The following PEX10 variants were observed in gnomAD, a reference collection of about 807,000 sequenced individuals.
The protein encoded by PEX10 is peroxisomal biogenesis factor 10, also known as peroxisome biogenesis factor 10.
PEX10 carries 32 observed loss-of-function variants against 38.0 expected under a neutral mutation model. The observed-to-expected ratio is 0.84, with a 90% CI of 0.63 to 1.13. PEX10 has a LOEUF of 1.13. Among genes scored for constraint, PEX10 ranks in the 50% most tolerant of loss-of-function variants. The pLI is 0.00. For synonymous variants in PEX10, 206 were observed against 207.3 expected (o/e 0.99, Z 0.05); for missense variants, 483 against 457.7 (o/e 1.06, Z -0.51).
Position 2,409,191 on chromosome 1 carries a change from C to G in PEX10, c.194-333G>C, listed in dbSNP as rs1290126783. Reference sequence around the variant, plus strand: ...GCTGTCCCCGCCACCTCCCCCAGCCCAAGCACTCGGATCCAGTCCCATGGC... The same window carrying G: ...GCTGTCCCCGCCACCTCCCCCAGCCGAAGCACTCGGATCCAGTCCCATGGC... On this transcript the variant is annotated intron_variant, in intron 2 of 5. Transcript: ENST00000447513. This position sits in a 1 kb window ranked among gnomAD's most constrained non-coding sequence, Gnocchi z 6.2. Among the ~76,000 whole-genome samples, 1 of 152,144 alleles carries G rather than the reference C, an allele frequency of 6.6e-6. No homozygotes were observed. The highest frequency in any genetic ancestry group is 1.5e-5 in the Non-Finnish European group (1 of 68,016).
rs142006474 is a variant in PEX10 at position 2,405,660 on chromosome 1, TGA to T, written c.*104_*105del. ...GTTAGTATCTTACATGACAAAAAAC[TGA>T]GAGTGTTCTAACTTCTGTGCAAGCA... On this transcript the variant is annotated 3_prime_UTR_variant, in exon 6 of 6. Coordinates refer to ENST00000447513, the MANE Select transcript of PEX10 (RefSeq NM_002617.4). 9.4e-4 allele frequency: 967 copies of T among 1,025,470 alleles called. 6 individuals are homozygous for T. The African/African-American group carries it at 0.013, about 14-fold the overall frequency. 63.5% of individuals were successfully genotyped at this position (1,025,470 alleles called of 1,614,324 possible). A position where few individuals can be genotyped will look rare whatever the true frequency, so the allele number is the denominator to read the frequency against.
In PEX10 at chr1:2,410,223, G is replaced by A. The variant is rs576140178; in HGVS notation, c.193+148C>T. 1.8e-4 allele frequency: 126 copies of A among 713,842 alleles called. No individual in the cohort carries two copies. In the East Asian group the frequency reaches 2.3e-3, roughly 13 times the overall value. 44.2% of individuals were successfully genotyped at this position (713,842 alleles called of 1,614,324 possible). The stretch of plus-strand genomic sequence containing the variant: ...TGGGAGCAGATGCCTCGCCTCCCTC[G>A]GAGCAGTACCTCCTGCACTTCCCTG... On this transcript the variant is annotated intron_variant, in intron 2 of 5. Transcript: ENST00000447513. This position sits in a 1 kb window ranked among gnomAD's most constrained non-coding sequence, Gnocchi z 5.1.
At chr1:2,411,105 C>T (rs1207579843) in intron 1 of PEX10, among the ~76,000 whole-genome samples, 1 of 152,180 alleles carries the variant, frequency 6.6e-6, no homozygotes, top group Non-Finnish European at 1.5e-5. Flanking sequence ...TCCCATGGCA[C>T]TGTTCCTTTG....
Position 2,409,431 on chromosome 1 carries a change from C to T in PEX10, c.194-573G>A, listed in dbSNP as rs1396680169. ...TCTGTGGATGGCAACGCCAGGCCTCCGGTTCCTGAGGTCAAGCCCAAGGGG... is the reference window on the plus strand; with the variant it reads ...TCTGTGGATGGCAACGCCAGGCCTCTGGTTCCTGAGGTCAAGCCCAAGGGG... On this transcript the variant is annotated intron_variant, in intron 2 of 5. Transcript: ENST00000447513. The surrounding 1 kb of genome is among the most constrained non-coding windows in gnomAD (Gnocchi z 6.2). Among the ~76,000 whole-genome samples the T allele has an allele frequency of 2.0e-5, 3 of 152,134 alleles. No individual in the cohort carries two copies. The highest frequency in any genetic ancestry group is 6.5e-5 in the Admixed American group (1 of 15,280).
rs1357189926 is a variant in PEX10 at position 2,406,831 on chromosome 1, A to AC, written c.664dup (p.Val222GlyfsTer117). ...CAGCACCAGGTGCAGCAGTGAGATG[A>AC]CCCCCAGCAGCCTGTAGCTAACACG... On this transcript the variant is annotated frameshift_variant, in exon 4 of 6. Coordinates refer to ENST00000447513, the MANE Select transcript of PEX10 (RefSeq NM_002617.4). LOFTEE classifies it high-confidence loss of function. 6.2e-7 allele frequency: 1 copy of AC among 1,610,204 alleles called. No homozygotes were observed.
rs1643142407 is a variant in PEX10, at chr1:2,410,243, TC to T, written c.193+127del. On this transcript the variant is annotated intron_variant, in intron 2 of 5. Transcript: ENST00000447513. The surrounding 1 kb of genome is among the most constrained non-coding windows in gnomAD (Gnocchi z 5.1). ...CCCTCGGAGCAGTACCTCCTGCACT[TC>T]CCTGAAGCAACCTCACCCGGGCCAG... 3.7e-6 allele frequency: 3 copies of T among 808,392 alleles called. No individual in the cohort carries two copies. In the East Asian group the frequency reaches 7.9e-5, roughly 21 times the overall value. The allele number at this position is 808,392 out of a possible 1,614,324, so 50.1% of individuals were successfully genotyped here. A position where few individuals can be genotyped will look rare whatever the true frequency, so the allele number is the denominator to read the frequency against.
At position 2,405,727 on chromosome 1, in the gene PEX10, G is replaced by T. The variant is rs372022952; in HGVS notation, c.*39C>A. The T allele has an allele frequency of 4.5e-6, 7 of 1,540,530 alleles. No homozygotes were observed. Among genetic ancestry groups the T allele is most frequent in the Non-Finnish European group, 6.2e-6 (7 of 1,129,756 alleles). On this transcript the variant is annotated 3_prime_UTR_variant, in exon 6 of 6. Transcript: ENST00000447513. ...ACTAAATCTTGGCGTTCAGACTCCCGTAGAGGTCATCTGTGTCCAGGCCCA... is the reference window on the plus strand; with the variant it reads ...ACTAAATCTTGGCGTTCAGACTCCCTTAGAGGTCATCTGTGTCCAGGCCCA...
chr1:2,412,466 G>C lies in PEX10; in HGVS notation c.37C>G (p.Arg13Gly). 2 of 1,418,244 alleles carry C rather than the reference G, an allele frequency of 1.4e-6. No individual in the cohort carries two copies. The highest frequency in any genetic ancestry group is 1.8e-6 in the Non-Finnish European group (2 of 1,089,372). 87.9% of individuals were successfully genotyped at this position (1,418,244 alleles called of 1,614,324 possible). The change falls in exon 1 of 6, where the codon CGC becomes GGC. Residue 13 changes from arginine to glycine, a missense_variant. Arg to Gly is a moderately radical substitution (Grantham distance 125, BLOSUM62 -2). Coordinates refer to ENST00000447513, the MANE Select transcript of PEX10 (RefSeq NM_002617.4). The part of the protein sequence containing the change: ...PAAASPPEVI[R>G]AAQKDEYYRG... ...TAGTACTCGTCCTTCTGCGCCGCGC[G>C]GATCACCTCCGGGGGGCTGGCGGCG...
rs1452904366 is a variant in PEX10 at position 2,404,751 on chromosome 1, C to G, written c.*1015G>C. On this transcript the variant is annotated 3_prime_UTR_variant, in exon 6 of 6. Transcript: ENST00000447513. Reference sequence around the variant, plus strand: ...TCAGCAGGGAAATGTGGCACACGCCCTCGAGGCATTTTAACACTGCGCTTC... The same window carrying G: ...TCAGCAGGGAAATGTGGCACACGCCGTCGAGGCATTTTAACACTGCGCTTC... 6.6e-6 allele frequency: 1 copy of G among 152,314 alleles called. No individual in the cohort carries two copies. Among genetic ancestry groups the G allele is most frequent in the Non-Finnish European group, 1.5e-5 (1 of 68,058 alleles). The allele number at this position is 152,314 out of a possible 1,614,324, so 9.4% of individuals were successfully genotyped here.
chr1:2,408,137 C>T (rs1643069733), intron 3 of PEX10, among the ~76,000 whole-genome samples: 1 of 152,154 alleles, frequency 6.6e-6, no homozygotes, highest in African/African-American at 2.4e-5. Context: ...GTTCAGGGAT[C>T]TGTGGTGAGG....
In PEX10 at chr1:2,404,263, GCTC is replaced by G. The variant is rs1305203231; in HGVS notation, c.*1500_*1502del. 5 of 152,252 alleles carry G rather than the reference GCTC, an allele frequency of 3.3e-5. No homozygotes were observed. Among genetic ancestry groups the G allele is most frequent in the African/African-American group, 1.2e-4 (5 of 41,458 alleles). 9.4% of individuals were successfully genotyped at this position (152,252 alleles called of 1,614,324 possible). ...CCAGTGTTTACATATCTGACATCGA[GCTC>G]CTCTAAGAGGCCACGTTCAAGCTTG... is the stretch of plus-strand genomic sequence containing the variant. On this transcript the variant is annotated 3_prime_UTR_variant, in exon 6 of 6. Transcript: ENST00000447513.
chr1:2,405,235 C>G lies in PEX10; in HGVS notation c.*531G>C, dbSNP rs1399631374. On this transcript the variant is annotated 3_prime_UTR_variant, in exon 6 of 6. Transcript: ENST00000447513. ...TGGTCATCAAGTCCTGGGGGATGTG[C>G]TCTGCCCAGCCGCCCTCGGGGAGAG... 2.0e-5 allele frequency: 5 copies of G among 251,178 alleles called. No individual in the cohort carries two copies. Among genetic ancestry groups the G allele is most frequent in the Non-Finnish European group, 3.1e-5 (4 of 127,558 alleles). The allele number at this position is 251,178 out of a possible 1,614,324, so 15.6% of individuals were successfully genotyped here. A position where few individuals can be genotyped will look rare whatever the true frequency, so the allele number is the denominator to read the frequency against.
chr1:2,411,375 C>A lies in PEX10; in HGVS notation c.113-924G>T, dbSNP rs571008930. Among the ~76,000 whole-genome samples the A allele has an allele frequency of 2.0e-5, 3 of 151,608 alleles. No individual in the cohort carries two copies. The South Asian group carries it at 6.2e-4, about 32-fold the overall frequency. Reference sequence around the variant, plus strand: ...AGCCTCCCAAGTAGCTGGGATTACACGCACGCGCCACCACGCCCTGCTGAT... The same window carrying A: ...AGCCTCCCAAGTAGCTGGGATTACAAGCACGCGCCACCACGCCCTGCTGAT... On this transcript the variant is annotated intron_variant, in intron 1 of 5. Transcript: ENST00000447513.
Position 2,406,735 on chromosome 1 carries a change from C to T in PEX10, c.761G>A (p.Gly254Asp), listed in dbSNP as rs751762735. The part of the protein sequence containing the change: ...RARKEWRLHR[G>D]LSHRRASLEE... ...CCGCACGCACCTGCGGTGAGACAGG[C>T]CGCGGTGCAGCCTCCACTCCTTCCT... Residue 254 changes from glycine to aspartate, a missense_variant, in exon 4 of 6, where the codon GGC becomes GAC. By Grantham distance (94) the Gly-to-Asp change is moderately conservative. Transcript: ENST00000447513. 1 of 1,608,404 alleles carries T rather than the reference C, an allele frequency of 6.2e-7. No homozygotes were observed. The highest frequency in any genetic ancestry group is 8.5e-7 in the Non-Finnish European group (1 of 1,178,118).
At chr1:2,411,765 T>C (rs1211229428) in intron 1 of PEX10, among the ~76,000 whole-genome samples, 2 of 152,178 alleles carry the variant, frequency 1.3e-5, no homozygotes, top group East Asian at 3.9e-4. Flanking sequence ...TTCAAACTCC[T>C]GGGCTCAAGC....
chr1:2,411,683 C>T (rs1643227118), intron 1 of PEX10, among the ~76,000 whole-genome samples: 1 of 152,004 alleles, frequency 6.6e-6, no homozygotes, highest in Non-Finnish European at 1.5e-5. Context: ...GGATTACAGA[C>T]GCCGCCACCA....
chr1:2,408,894 C>A, intron 2 of PEX10, 36 bp from the exon 3 acceptor site: 1 of 1,608,670 alleles, frequency 6.2e-7, no homozygotes, highest in Non-Finnish European at 8.5e-7. Flanking sequence ...GACCCTGAGA[C>A]TGCTGCCGCG....
At chr1:2,406,390 C>T (rs1643002966) in intron 5 of PEX10, 94 bp downstream of exon 5, 7 of 1,537,992 alleles carry the variant, frequency 4.6e-6, no homozygotes, top group Non-Finnish European at 6.2e-6. Context: ...CTGGAGGGTG[C>T]TCAGAGCCAG....
chr1:2,406,882 C>G lies in PEX10; in HGVS notation c.614G>C (p.Ser205Thr), dbSNP rs751219789. ...LTGITYLRVR[S>T]LPGEDLRARV... ...GGCCCTCAGGTCCTCTCCGGGCAGG[C>G]TGCGGACACGGAGCTGTAAGGCAGA... is the stretch of plus-strand genomic sequence containing the variant. Residue 205 changes from serine (S) to threonine (T), a missense_variant, in exon 4 of 6, where the codon AGC becomes ACC. Coordinates refer to ENST00000447513, the MANE Select transcript of PEX10 (RefSeq NM_002617.4). 1.2e-6 allele frequency: 2 copies of G among 1,609,204 alleles called. No homozygotes were observed. Among genetic ancestry groups the G allele is most frequent in the Non-Finnish European group, 1.7e-6 (2 of 1,178,150 alleles).
Sources: allele counts gnomAD v4.1 joint callset (sites outside exome capture counted in the v4.1 genomes callset), GRCh38; gene constraint gnomAD v4.1.1; non-coding constraint Gnocchi (gnomAD v3.1); transcripts MANE v1.5; gene names NCBI Gene and HGNC (gene_info 2026-07-23, HGNC 2026-07-21).